SLFN12L: variants seen among roughly 807,000 people sequenced by gnomAD.
SLFN12L encodes schlafen family member 12 like.
Under a neutral mutation model 34.8 loss-of-function variants are expected in SLFN12L, and 34 were observed. The ratio of observed to expected loss-of-function variants is 0.98; its 90% CI spans 0.74 to 1.30. SLFN12L has a LOEUF of 1.30. Among genes scored for constraint, SLFN12L ranks in the 50% most tolerant of loss-of-function variants. The pLI is 0.00. For missense variants in SLFN12L, 703 were observed against 696.2 expected, an observed-to-expected ratio of 1.01 and a Z score of -0.11; for synonymous variants, 259 against 247.5, an observed-to-expected ratio of 1.05 and a Z score of -0.44.
At chr17:35,521,416 G>A (rs573152049) in intron 2 of SLFN12L, among the ~76,000 whole-genome samples, 17 of 152,326 alleles carry the variant, frequency 1.1e-4, no homozygotes, top group African/African-American at 3.6e-4. Flanking sequence ...CAACTTTTCT[G>A]TAAGTCTATG....
At chr17:35,528,344 A>T (rs2142174879) in intron 1 of SLFN12L, among the ~76,000 whole-genome samples, 1 of 123,896 alleles carries the variant, frequency 8.1e-6, no homozygotes, top group East Asian at 2.4e-4. Context: ...GAACTGGAAA[A>T]AACTACTTTA....
intron 2 of SLFN12L, among the ~76,000 whole-genome samples, chr17:35,516,069 CT>C (rs1449628323): frequency 1.3e-5 from 2 of 152,138 alleles, no homozygotes; most frequent in Admixed American, 6.5e-5. Context: ...CATCTTCAAA[CT>C]GATCAATATA....
chr17:35,515,179 C>T (rs1915773188), intron 2 of SLFN12L: 1 of 611,282 alleles, frequency 1.6e-6, no homozygotes, highest in Non-Finnish European at 3.2e-6. Context: ...GGCTCCGTTC[C>T]GACCCAGCCT....
At chr17:35,535,975 GT>G (rs1310273293) in intron 1 of SLFN12L, among the ~76,000 whole-genome samples, 1 of 141,910 alleles carries the variant, frequency 7.0e-6, no homozygotes, top group Non-Finnish European at 1.5e-5. Context: ...TTGTTTGTTT[GT>G]TTGTTTGTTT....
At chr17:35,483,131 C>G (rs1914417265) in intron 2 of SLFN12L, among the ~76,000 whole-genome samples, 1 of 152,122 alleles carries the variant, frequency 6.6e-6, no homozygotes, top group Non-Finnish European at 1.5e-5. Context: ...AGGGCCTCCT[C>G]TCTGCTGAGA....
chr17:35,506,320 A>T (rs1915464024), intron 2 of SLFN12L, among the ~76,000 whole-genome samples: 1 of 152,224 alleles, frequency 6.6e-6, no homozygotes, highest in African/African-American at 2.4e-5. Flanking sequence ...TTTGTCATGA[A>T]TTAGGACTGT....
intron 1 of SLFN12L, among the ~76,000 whole-genome samples, chr17:35,535,357 ATT>A (rs759936884): frequency 2.8e-5 from 4 of 141,802 alleles, no homozygotes; most frequent in South Asian, 2.2e-4. Flanking sequence ...TGCCTAGCTA[ATT>A]TTTTTTTTTT....
intron 2 of SLFN12L, among the ~76,000 whole-genome samples, chr17:35,482,338 G>A (rs1363577013): frequency 2.0e-5 from 3 of 152,232 alleles, no homozygotes; most frequent in Non-Finnish European, 2.9e-5. Context: ...AGGGACTTCA[G>A]AAAGCTAGGG....
intron 2 of SLFN12L, among the ~76,000 whole-genome samples, chr17:35,497,348 A>T (rs1915122641): frequency 1.3e-5 from 2 of 152,078 alleles, no homozygotes; most frequent in Admixed American, 1.3e-4. Flanking sequence ...CCGAGATCGT[A>T]TCACTGCACT....
At chr17:35,502,497 C>T (rs1421329608) in intron 2 of SLFN12L, among the ~76,000 whole-genome samples, 1 of 138,368 alleles carries the variant, frequency 7.2e-6, no homozygotes, top group Admixed American at 7.5e-5. Context: ...GGTTTCCCAA[C>T]AGGGGATCTA....
In SLFN12L at chr17:35,470,525, C is replaced by T. The variant is rs1452715870; in HGVS notation, c.*4398G>A. ...ACAGTGGTGGCTTCAGGGTGCCAGC[C>T]AGGAGGAGTTCTGGTGCACTCACTG... On this transcript the variant is annotated 3_prime_UTR_variant, in exon 5 of 5. Transcript: ENST00000628453. The T allele has an allele frequency of 6.6e-6, 1 of 152,308 alleles. No homozygotes were observed. Among genetic ancestry groups the T allele is most frequent in the Non-Finnish European group, 1.5e-5 (1 of 68,138 alleles). 9.4% of individuals were successfully genotyped at this position (152,308 alleles called of 1,614,324 possible). A position where few individuals can be genotyped will look rare whatever the true frequency, so the allele number is the denominator to read the frequency against.
chr17:35,501,400 A>C (rs1915291245), intron 2 of SLFN12L, among the ~76,000 whole-genome samples: 1 of 152,226 alleles, frequency 6.6e-6, no homozygotes, highest in African/African-American at 2.4e-5. Flanking sequence ...GATCACCCAC[A>C]GCGTGCCTGT....
chr17:35,525,147 C>T (rs1398602325), intron 1 of SLFN12L, among the ~76,000 whole-genome samples: 2 of 151,510 alleles, frequency 1.3e-5, no homozygotes, highest in Admixed American at 6.6e-5. Context: ...AGCAAGAAGA[C>T]AAGAATAGAG....
chr17:35,511,630 C>T (rs952388454), intron 2 of SLFN12L, among the ~76,000 whole-genome samples: 1 of 151,560 alleles, frequency 6.6e-6, no homozygotes, highest in African/African-American at 2.4e-5. Flanking sequence ...ATAGTCCTAG[C>T]TACTCAGGAG....
At chr17:35,516,456 G>T (rs1915832392) in intron 2 of SLFN12L, among the ~76,000 whole-genome samples, 2 of 152,188 alleles carry the variant, frequency 1.3e-5, no homozygotes, top group Admixed American at 1.3e-4. Context: ...TCTTTTTGTA[G>T]TACAGGATTT....
At position 35,522,923 on chromosome 17, in the gene SLFN12L, C is replaced by T. The variant is rs1299807620; in HGVS notation, c.-559G>A. ...CTAATCCTTCATTCTGTGAGGACAG[C>T]TCCTTCCAGAGGGATTCCAGAGTAC... On this transcript the variant is annotated 5_prime_UTR_variant, in exon 2 of 5. Coordinates refer to ENST00000628453, the MANE Select transcript of SLFN12L (RefSeq NM_001363830.2). 3.2e-6 allele frequency: 2 copies of T among 626,030 alleles called. No homozygotes were observed. Among genetic ancestry groups the T allele is most frequent in the Admixed American group, 5.8e-5 (2 of 34,280 alleles). 38.8% of individuals were successfully genotyped at this position (626,030 alleles called of 1,614,324 possible).
chr17:35,467,767 T>C lies in SLFN12L; in HGVS notation c.*7156A>G, dbSNP rs1913739086. 1.3e-5 allele frequency among the ~76,000 whole-genome samples: 2 copies of C among 152,222 alleles called. No individual in the cohort carries two copies. Among genetic ancestry groups the C allele is most frequent in the South Asian group, 4.1e-4 (2 of 4,828 alleles). ...GTGATTGTCCAATGGGCTAGGCAGC[T>C]GCTTATCTGATATGGGACCCGTTTG... On this transcript the variant is annotated 3_prime_UTR_variant, in exon 5 of 5. Transcript: ENST00000628453.
intron 2 of SLFN12L, among the ~76,000 whole-genome samples, chr17:35,500,907 C>T (rs749711983): frequency 5.3e-5 from 8 of 152,306 alleles, no homozygotes; most frequent in African/African-American, 1.4e-4. Flanking sequence ...GACCCTTTCA[C>T]GCAGACTCCC....
Position 35,478,161 on chromosome 17 carries a change from G to C in SLFN12L, c.1190C>G (p.Ala397Gly), listed in dbSNP as rs2304967. The change falls in exon 4 of 5, where the codon GCA becomes GGA. Residue 397 changes from alanine (A) to glycine (G), a missense_variant. By Grantham distance (60) the Ala-to-Gly change is moderately conservative. Transcript: ENST00000628453. ...EPVCEELPSP[A>G]STSSPVSQSY... ...CTGGGAGACAGGTGATGATGTACTT[G>C]CTGGAGAGGGCAGTTCCTCACATAC... is the stretch of plus-strand genomic sequence containing the variant. 240,446 of 1,528,920 alleles carry C rather than the reference G, an allele frequency of 0.16. 21,617 individuals are homozygous for C. Among genetic ancestry groups the C allele is most frequent in the African/African-American group, 0.3 (21,740 of 72,306 alleles). The allele number at this position is 1,528,920 out of a possible 1,614,324, so 94.7% of individuals were successfully genotyped here.
Sources: allele counts gnomAD v4.1 joint callset (sites outside exome capture counted in the v4.1 genomes callset), GRCh38; gene constraint gnomAD v4.1.1; transcripts MANE v1.5; gene names NCBI Gene and HGNC (gene_info 2026-07-23, HGNC 2026-07-21).